Variants in RNF32 observed in about 807,000 individuals in gnomAD.
RNF32 encodes ring finger protein 32.
Under a neutral mutation model 41.0 loss-of-function variants are expected in RNF32, and 36 were observed. The observed-to-expected ratio is 0.88, with a 90% confidence interval of 0.67 to 1.16. The LOEUF (loss-of-function observed/expected upper bound fraction) is 1.16. RNF32 is among the 50% of genes most tolerant of loss of function. RNF32 has a pLI of 0.00. For missense variants in RNF32, 413 were observed against 436.7 expected (o/e 0.95, Z 0.48); for synonymous variants, 154 against 160.9 (o/e 0.96, Z 0.32).
chr7:156,675,460 C>T (rs1311214764), intron 7 of RNF32, among the ~76,000 whole-genome samples: 1 of 151,960 alleles, frequency 6.6e-6, no homozygotes, highest in South Asian at 2.1e-4. Flanking sequence ...GCCAAGGTGC[C>T]GTATTTTGGG....
At chr7:156,676,237 A>G (rs1803972722) in intron 8 of RNF32, 182 bp from the exon 9 acceptor site, 5 of 1,360,508 alleles carry the variant, frequency 3.7e-6, no homozygotes, top group Non-Finnish European at 4.9e-6. Flanking sequence ...AACAGAGTAT[A>G]TGTGTGTGTA....
chr7:156,665,661 G>A (rs1389115777), intron 7 of RNF32, among the ~76,000 whole-genome samples: 5 of 151,858 alleles, frequency 3.3e-5, no homozygotes, highest in Admixed American at 1.3e-4. Flanking sequence ...GTACGTCAGC[G>A]TCAGCTCCCC....
chr7:156,649,672 G>A (rs886495090), intron 3 of RNF32, among the ~76,000 whole-genome samples: 1 of 152,078 alleles, frequency 6.6e-6, no homozygotes, highest in East Asian at 1.9e-4. Flanking sequence ...TTAGATGAGC[G>A]TGTTTGTTGT....
intron 3 of RNF32, among the ~76,000 whole-genome samples, chr7:156,650,046 G>T (rs536383417): frequency 1.4e-4 from 22 of 152,312 alleles, no homozygotes; most frequent in South Asian, 4.1e-4. Context: ...TTTAAGCGGG[G>T]TGAGGAGAGG....
intron 3 of RNF32, 173 bp from the exon 4 acceptor site, chr7:156,654,403 G>A: frequency 3.6e-6 from 2 of 559,040 alleles, no homozygotes; most frequent in Non-Finnish European, 6.2e-6. Flanking sequence ...TCCTTGGAAT[G>A]TCCTGGAACA....
intron 8 of RNF32, chr7:156,676,151 T>C (rs1340422492): frequency 1.9e-6 from 2 of 1,075,978 alleles, no homozygotes; most frequent in Non-Finnish European, 2.6e-6. Flanking sequence ...TCCCTTCAGT[T>C]TGAAATTCTG....
intron 3 of RNF32, among the ~76,000 whole-genome samples, chr7:156,651,044 T>G (rs765229392): frequency 6.6e-5 from 10 of 152,182 alleles, no homozygotes; most frequent in Non-Finnish European, 1.2e-4. Flanking sequence ...ATCACACTTG[T>G]AGCTGCTTGA....
At chr7:156,654,261 ATATAG>A (rs1799261439) in intron 3 of RNF32, 1 of 191,818 alleles carries the variant, frequency 5.2e-6, no homozygotes, top group Non-Finnish European at 1.1e-5. Context: ...ATTAAAAACA[ATATAG>A]TATAACAGCT....
intron 6 of RNF32, 25 bp downstream of exon 6, chr7:156,658,277 G>A (rs1221482544): frequency 6.8e-6 from 11 of 1,611,166 alleles, no homozygotes; most frequent in East Asian, 2.2e-5. Context: ...CCCGTTTGGC[G>A]CTAAGCAGAC....
At chr7:156,644,876 G>A in intron 3 of RNF32, 119 bp downstream of exon 3, 1 of 1,055,084 alleles carries the variant, frequency 9.5e-7, no homozygotes, top group East Asian at 2.6e-5. Context: ...AGAGAGGTGT[G>A]TATGTATTGA....
At chr7:156,652,602 T>C (rs1271682972) in intron 3 of RNF32, among the ~76,000 whole-genome samples, 1 of 152,102 alleles carries the variant, frequency 6.6e-6, no homozygotes, top group African/African-American at 2.4e-5. Flanking sequence ...AGTTGAAAAA[T>C]TCCTACCACT....
intron 7 of RNF32, among the ~76,000 whole-genome samples, chr7:156,672,289 T>C (rs1344174327): frequency 1.3e-5 from 2 of 152,084 alleles, no homozygotes; most frequent in Admixed American, 6.6e-5. Context: ...AAAGGCAGGG[T>C]GTGACGACGA....
intron 7 of RNF32, among the ~76,000 whole-genome samples, chr7:156,667,911 A>G (rs949981286): frequency 9.2e-5 from 14 of 152,226 alleles, no homozygotes; most frequent in Admixed American, 6.5e-5. Flanking sequence ...ATTATAAGCT[A>G]AAGTTGACGT....
chr7:156,658,741 A>C, intron 7 of RNF32, 171 bp downstream of exon 7: 5 of 804,374 alleles, frequency 6.2e-6, no homozygotes, highest in Non-Finnish European at 1.0e-5. Flanking sequence ...TTGGCTTTCC[A>C]ACCTAGATGT....
At chr7:156,650,055 G>A (rs955821580) in intron 3 of RNF32, among the ~76,000 whole-genome samples, 4 of 152,212 alleles carry the variant, frequency 2.6e-5, no homozygotes, top group Non-Finnish European at 5.9e-5. Flanking sequence ...GGTGAGGAGA[G>A]GTGATGGGTT....
chr7:156,653,830 G>T (rs1488620619), intron 3 of RNF32, among the ~76,000 whole-genome samples: 2 of 152,224 alleles, frequency 1.3e-5, no homozygotes, highest in Non-Finnish European at 2.9e-5. Context: ...TTTTAGCAGG[G>T]GAGGTGCAGA....
At chr7:156,662,410 A>G (rs1400294456) in intron 7 of RNF32, among the ~76,000 whole-genome samples, 1 of 152,220 alleles carries the variant, frequency 6.6e-6, no homozygotes, top group Non-Finnish European at 1.5e-5. Flanking sequence ...TGGTTAATTT[A>G]TGTGTCAACT....
intron 3 of RNF32, among the ~76,000 whole-genome samples, chr7:156,649,332 CTGAG>C (rs1412042018): frequency 6.6e-6 from 1 of 152,058 alleles, no homozygotes; most frequent in African/African-American, 2.4e-5. Context: ...TAGGGGTTTT[CTGAG>C]TAAGTTGATC....
At chr7:156,672,688 A>G (rs888487005) in intron 7 of RNF32, among the ~76,000 whole-genome samples, 3 of 152,220 alleles carry the variant, frequency 2.0e-5, no homozygotes, top group Non-Finnish European at 4.4e-5. Flanking sequence ...ATATGCACAC[A>G]CAGGTGACAC....
Sources: allele counts gnomAD v4.1 joint callset (sites outside exome capture counted in the v4.1 genomes callset), GRCh38; gene constraint gnomAD v4.1.1; transcripts MANE v1.5; gene names NCBI Gene and HGNC (gene_info 2026-07-23, HGNC 2026-07-21).